Variants in PCNT observed in about 807,000 individuals in gnomAD.
PCNT encodes pericentrin.
PCNT carries 319 observed loss-of-function variants against 380.4 expected under a neutral mutation model. The observed-to-expected ratio is 0.84, with a 90% CI of 0.77 to 0.92. PCNT has a LOEUF of 0.92. Among genes scored for constraint, PCNT ranks in the 40% least tolerant of loss-of-function variants. PCNT has a pLI of 0.00. For missense variants in PCNT, 4,400 were observed against 4,255.3 expected (o/e 1.03, Z -0.95); for synonymous variants, 1,845 against 1,735.2 (o/e 1.06, Z -1.57).
intron 6 of PCNT, among the ~76,000 whole-genome samples, chr21:46,348,479 T>C (rs1382282206): frequency 6.6e-6 from 1 of 152,122 alleles, no homozygotes; most frequent in Non-Finnish European, 1.5e-5. Context: ...CAGTCTGTTT[T>C]GTGGTGGGTG....
intron 2 of PCNT, among the ~76,000 whole-genome samples, chr21:46,332,615 G>A (rs374074470): frequency 3.3e-5 from 5 of 152,282 alleles, no homozygotes; most frequent in African/African-American, 1.2e-4. Context: ...TTGATTCTGA[G>A]AAGATTGATC....
chr21:46,401,429 C>T (rs1010435752), intron 25 of PCNT, 122 bp from the exon 26 acceptor site: 18 of 796,506 alleles, frequency 2.3e-5, no homozygotes, highest in African/African-American at 8.6e-5. Flanking sequence ...AGTGCAGGGG[C>T]GTGCAGGTCC....
At position 46,416,386 on chromosome 21, in the gene PCNT, AG is replaced by A; in HGVS notation, c.6473del (p.Gly2158ValfsTer2). 6.2e-7 allele frequency: 1 copy of A among 1,614,080 alleles called. No individual in the cohort carries two copies. The highest frequency in any genetic ancestry group is 8.5e-7 in the Non-Finnish European group (1 of 1,179,936). On this transcript the variant is annotated frameshift_variant, in exon 30 of 47. Coordinates refer to ENST00000359568, the MANE Select transcript of PCNT (RefSeq NM_006031.6). LOFTEE classifies it high-confidence loss of function. ...IDACDANTTP[G>X]GVTDVIKNWD... is the part of the protein sequence containing the mutation. ...ACGCGTGTGATGCCAATACAACCCC[AG>A]GGGGTGTAACTGATGTTATCAAAAA...
chr21:46,431,251 A>G (rs1322281546), intron 37 of PCNT: 2 of 1,308,998 alleles, frequency 1.5e-6, no homozygotes, highest in East Asian at 7.0e-5. Context: ...CGGGCAGGGG[A>G]CATCTCTGAA....
chr21:46,348,967 C>A, intron 6 of PCNT, 45 bp from the exon 7 acceptor site: 2 of 1,274,602 alleles, frequency 1.6e-6, no homozygotes, highest in Non-Finnish European at 2.3e-6. Context: ...TTCTTTAGCA[C>A]AGATAATCAA....
intron 21 of PCNT, among the ~76,000 whole-genome samples, chr21:46,395,965 GGC>G (rs1490756871): frequency 1.3e-4 from 19 of 151,754 alleles, no homozygotes; most frequent in Admixed American, 3.9e-4. Flanking sequence ...CTCAGCAGCA[GGC>G]ACTCCATCTC....
rs760059681 is a variant in PCNT, at chr21:46,381,857, G to C, written c.3312+17G>C. Reference sequence around the variant, plus strand: ...GTCCAGCAGGTGTGTGGAATACGCTGTTCCCTTGTGATAAGACGTGTATAG... The same window carrying C: ...GTCCAGCAGGTGTGTGGAATACGCTCTTCCCTTGTGATAAGACGTGTATAG... On this transcript the variant is annotated intron_variant, in intron 16 of 46. Coordinates refer to ENST00000359568, the MANE Select transcript of PCNT (RefSeq NM_006031.6). 6 of 1,613,548 alleles carry C rather than the reference G, an allele frequency of 3.7e-6. No homozygotes were observed. The highest frequency in any genetic ancestry group is 1.1e-5 in the South Asian group (1 of 91,074).
intron 3 of PCNT, among the ~76,000 whole-genome samples, chr21:46,344,400 T>C (rs1191668648): frequency 6.6e-6 from 1 of 152,214 alleles, no homozygotes; most frequent in Non-Finnish European, 1.5e-5. Flanking sequence ...AAGGGAGATG[T>C]TGCTGCACTC....
At chr21:46,332,742 C>T (rs953915818) in intron 2 of PCNT, among the ~76,000 whole-genome samples, 2 of 152,164 alleles carry the variant, frequency 1.3e-5, no homozygotes. Flanking sequence ...CTAATGATCC[C>T]GAAAAGTCGA....
Position 46,412,827 on chromosome 21 carries a change from C to T in PCNT, c.5995-10C>T. The T allele has an allele frequency of 6.2e-7, 1 of 1,610,328 alleles. No individual in the cohort carries two copies. Among genetic ancestry groups the T allele is most frequent in the Middle Eastern group, 1.6e-4 (1 of 6,062 alleles). The stretch of plus-strand genomic sequence containing the variant: ...TGCATGCTCAGCTTTCCTCTGTCTC[C>T]TCTGTCAAGGGTGATCTGCAGCCTG... On this transcript the variant is annotated splice_polypyrimidine_tract_variant and intron_variant, in intron 28 of 46. Transcript: ENST00000359568.
chr21:46,436,794 CG>C (rs1394493127), intron 39 of PCNT, among the ~76,000 whole-genome samples, 184 bp from the exon 40 acceptor site: 5 of 152,154 alleles, frequency 3.3e-5, no homozygotes, highest in Admixed American at 6.5e-5. Flanking sequence ...TCTGCAGAAG[CG>C]TCCAGCCACA....
intron 27 of PCNT, among the ~76,000 whole-genome samples, chr21:46,409,522 C>T (rs973673981): frequency 3.3e-5 from 5 of 152,148 alleles, no homozygotes; most frequent in Admixed American, 6.6e-5. Context: ...AGCTCTTTCC[C>T]TAGCCCAATT....
chr21:46,399,413 T>C (rs2086345790), intron 24 of PCNT, among the ~76,000 whole-genome samples, 177 bp from the exon 25 acceptor site: 1 of 148,214 alleles, frequency 6.7e-6, no homozygotes, highest in Non-Finnish European at 1.5e-5. Context: ...GGTCTCCCTG[T>C]GCAGTCTTTG....
In PCNT at chr21:46,390,135, T is replaced by C. The variant is rs371476642; in HGVS notation, c.3841-535T>C. 3.5e-4 allele frequency among the ~76,000 whole-genome samples: 53 copies of C among 152,358 alleles called. No homozygotes were observed. In the South Asian group the frequency reaches 0.011, roughly 32 times the overall value. The stretch of plus-strand genomic sequence containing the variant: ...TGGCCCTGGACTCCAGCAGCCAGCC[T>C]GGGCAACATAGCGAGACCTCATTTT... On this transcript the variant is annotated intron_variant, in intron 19 of 46. Transcript: ENST00000359568.
intron 32 of PCNT, among the ~76,000 whole-genome samples, chr21:46,422,656 A>G (rs2087303692): frequency 6.6e-6 from 1 of 152,242 alleles, no homozygotes; most frequent in African/African-American, 2.4e-5. Context: ...TAAACAAGTG[A>G]GTGATAGAAT....
intron 13 of PCNT, among the ~76,000 whole-genome samples, chr21:46,362,883 T>C (rs1213079147): frequency 6.6e-6 from 1 of 151,942 alleles, no homozygotes; most frequent in Admixed American, 6.6e-5. Flanking sequence ...AAAAAAAAGA[T>C]TAGGATATTT....
intron 16 of PCNT, among the ~76,000 whole-genome samples, chr21:46,384,378 A>G (rs1466345958): frequency 6.8e-6 from 1 of 147,008 alleles, no homozygotes; most frequent in Non-Finnish European, 1.5e-5. Flanking sequence ...TCAGTGACGG[A>G]AGCGCATTCA....
chr21:46,359,692 T>G (rs1466766541), intron 13 of PCNT, among the ~76,000 whole-genome samples: 4 of 144,232 alleles, frequency 2.8e-5, no homozygotes, highest in African/African-American at 1.0e-4. Context: ...TTTCATTATG[T>G]TGGCCGGGCT....
At chr21:46,440,042 C>T (rs370489953) in intron 41 of PCNT, 41 bp from the exon 42 acceptor site, 59 of 1,613,014 alleles carry the variant, frequency 3.7e-5, no homozygotes, top group South Asian at 4.4e-5. Flanking sequence ...CTCTTGTTGA[C>T]GAGCAGCTCT....
Sources: allele counts gnomAD v4.1 joint callset (sites outside exome capture counted in the v4.1 genomes callset), GRCh38; gene constraint gnomAD v4.1.1; transcripts MANE v1.5; gene names NCBI Gene and HGNC (gene_info 2026-07-23, HGNC 2026-07-21).